UBR2: variants seen among roughly 807,000 people sequenced by gnomAD.
The protein encoded by UBR2 is ubiquitin protein ligase E3 component n-recognin 2.
UBR2 carries 92 observed loss-of-function variants against 247.9 expected under a neutral mutation model. That is an observed-to-expected ratio of 0.37 (90% CI 0.31 to 0.44). The LOEUF is 0.44. Ranked by LOEUF, UBR2 falls within the 20% of genes least tolerant of loss-of-function variation. The pLI, the probability that UBR2 is intolerant of heterozygous loss-of-function variation, is 1.00. For synonymous variants in UBR2, 672 were observed against 693.5 expected, an observed-to-expected ratio of 0.97 and a Z score of 0.49; for missense variants, 1,613 against 2,112.6, an observed-to-expected ratio of 0.76 and a Z score of 4.64.
Position 42,689,557 on chromosome 6 carries a change from ATCTC to A in UBR2, c.5025-8_5025-5del. The A allele has an allele frequency of 1.9e-6, 3 of 1,612,706 alleles. No homozygotes were observed. The highest frequency in any genetic ancestry group is 3.3e-4 in the Middle Eastern group (2 of 6,060). ...TGTGTAAATGTGTAACGTATGACTG[ATCTC>A]TCTACAGAGTACGGGAATGTCAGGT... On this transcript the variant is annotated splice_polypyrimidine_tract_variant and splice_region_variant and intron_variant, in intron 45 of 46. Coordinates refer to ENST00000372901, the MANE Select transcript of UBR2 (RefSeq NM_001363705.2). The surrounding 1 kb of genome is among the most constrained non-coding windows in gnomAD (Gnocchi z 4.0).
intron 31 of UBR2, among the ~76,000 whole-genome samples, chr6:42,662,920 G>A (rs1487670142): frequency 6.6e-6 from 1 of 151,578 alleles, no homozygotes; most frequent in Non-Finnish European, 1.5e-5. Context: ...GGGCGACAGA[G>A]CAAGACTCCA....
At chr6:42,683,240 C>T (rs750163634) in intron 43 of UBR2, 129 bp downstream of exon 43, 1 of 648,028 alleles carries the variant, frequency 1.5e-6, no homozygotes, top group Non-Finnish European at 2.5e-6. Flanking sequence ...GATATGTTGC[C>T]TTCATATTTT....
At position 42,586,538 on chromosome 6, in the gene UBR2, C is replaced by CTTTTT. The variant is rs147830824; in HGVS notation, c.339-5597_339-5593dup. On this transcript the variant is annotated intron_variant, in intron 2 of 46. Coordinates refer to ENST00000372901, the MANE Select transcript of UBR2 (RefSeq NM_001363705.2). ...TGCTATTTGTTTTCAGTTTGTCTCT[C>CTTTTT]TTTTTTTTTTTTTTTTTTTTGTTCC... 3.7e-3 allele frequency among the ~76,000 whole-genome samples: 363 copies of CTTTTT among 97,218 alleles called. 1 individual carries two copies. The highest frequency in any genetic ancestry group is 6.3e-3 in the Middle Eastern group (1 of 158). The allele number at this position is 97,218 out of a possible 152,430, so 63.8% of individuals were successfully genotyped here. A position where few individuals can be genotyped will look rare whatever the true frequency, so the allele number is the denominator to read the frequency against.
Position 42,594,220 on chromosome 6 carries a change from T to C in UBR2, c.447T>C (p.Cys149=), listed in dbSNP as rs779844410. ...CAACATCAGGAGGTGGAGGTTTCTG[T>C]GACTGTGGTGATACTGAAGCCTGGA... ...RMTTSGGGGF[C]DCGDTEAWKE... Residue 149 remains cysteine (C), a synonymous_variant, in exon 4 of 47, where the codon TGT becomes TGC. Transcript: ENST00000372901. 6.2e-7 allele frequency: 1 copy of C among 1,613,112 alleles called. No individual in the cohort carries two copies. The highest frequency in any genetic ancestry group is 1.7e-5 in the Admixed American group (1 of 59,966).
chr6:42,645,383 T>C, intron 20 of UBR2, 83 bp from the exon 21 acceptor site: 1 of 1,281,968 alleles, frequency 7.8e-7, no homozygotes, highest in South Asian at 1.3e-5. Flanking sequence ...AAATATAACA[T>C]GCTGCATGAA....
intron 9 of UBR2, 39 bp downstream of exon 9, chr6:42,615,217 A>G (rs764953326): frequency 3.4e-6 from 5 of 1,461,320 alleles, no homozygotes; most frequent in East Asian, 2.4e-5. Context: ...AGAGGAACCT[A>G]TATAAGTAAT....
chr6:42,599,105 A>G (rs1419652367), intron 4 of UBR2, among the ~76,000 whole-genome samples: 1 of 152,152 alleles, frequency 6.6e-6, no homozygotes, highest in Non-Finnish European at 1.5e-5. Flanking sequence ...TTGGAATTAG[A>G]TTTAATTAAA....
chr6:42,591,543 T>C (rs969764673), intron 2 of UBR2, among the ~76,000 whole-genome samples: 1 of 152,188 alleles, frequency 6.6e-6, no homozygotes, highest in African/African-American at 2.4e-5. Flanking sequence ...GGATATCTTA[T>C]GGGCCATATG....
chr6:42,597,424 C>T (rs761639992), intron 4 of UBR2, among the ~76,000 whole-genome samples: 3 of 151,864 alleles, frequency 2.0e-5, no homozygotes, highest in Admixed American at 6.6e-5. Flanking sequence ...GGCAAATCCC[C>T]GTCTATACAA....
chr6:42,586,902 A>T (rs780939612), intron 2 of UBR2, among the ~76,000 whole-genome samples: 10 of 147,328 alleles, frequency 6.8e-5, no homozygotes, highest in African/African-American at 1.8e-4. Flanking sequence ...GCTCACTGCA[A>T]CCTCGCCTCC....
Position 42,648,180 on chromosome 6 carries a change from C to A in UBR2, c.2462+10C>A. The A allele has an allele frequency of 6.2e-7, 1 of 1,610,794 alleles. No individual in the cohort carries two copies. Among genetic ancestry groups the A allele is most frequent in the Non-Finnish European group, 8.5e-7 (1 of 1,177,126 alleles). ...CAGTTGCCCATTTCAAGTGAGTTTA[C>A]TTCCTATTATTTCACATTCTTTTTT... On this transcript the variant is annotated intron_variant, in intron 22 of 46. Transcript: ENST00000372901.
chr6:42,669,810 T>C (rs890957214), intron 34 of UBR2, among the ~76,000 whole-genome samples: 1 of 152,220 alleles, frequency 6.6e-6, no homozygotes, highest in African/African-American at 2.4e-5. Flanking sequence ...ACATTGCTGA[T>C]GTTCTCAGGA....
chr6:42,577,490 G>T (rs912325410), intron 2 of UBR2, among the ~76,000 whole-genome samples: 3 of 149,628 alleles, frequency 2.0e-5, no homozygotes, highest in African/African-American at 7.7e-5. Context: ...TAGGAAAAGA[G>T]TGGTCAAACT....
intron 7 of UBR2, among the ~76,000 whole-genome samples, chr6:42,608,840 G>T (rs745817240): frequency 6.6e-6 from 1 of 151,842 alleles, no homozygotes; most frequent in Non-Finnish European, 1.5e-5. Context: ...TAAGTTTGTT[G>T]TGGTGCCTTT....
intron 1 of UBR2, among the ~76,000 whole-genome samples, chr6:42,564,770 G>A (rs1371561886): frequency 1.3e-5 from 2 of 152,046 alleles, no homozygotes; most frequent in African/African-American, 2.4e-5. Flanking sequence ...TGGTATAATC[G>A]CCCTAGTTTA....
chr6:42,619,194 T>C (rs1794742531), intron 11 of UBR2, among the ~76,000 whole-genome samples: 1 of 151,698 alleles, frequency 6.6e-6, no homozygotes, highest in African/African-American at 2.4e-5. Flanking sequence ...TCGCTTATTC[T>C]TAGGCCTTTT....
intron 31 of UBR2, 149 bp from the exon 32 acceptor site, chr6:42,663,109 C>A: frequency 1.6e-6 from 1 of 616,634 alleles, no homozygotes; most frequent in East Asian, 3.5e-5. Context: ...TTTTTAAAAT[C>A]ACTCAAAAAT....
At chr6:42,614,831 G>A (rs1794436631) in intron 8 of UBR2, among the ~76,000 whole-genome samples, 1 of 152,104 alleles carries the variant, frequency 6.6e-6, no homozygotes, top group Non-Finnish European at 1.5e-5. Context: ...AGAGGTTATT[G>A]CCTTTATGAT....
chr6:42,635,568 G>A (rs750441169), intron 14 of UBR2, 22 bp downstream of exon 14: 2 of 1,590,510 alleles, frequency 1.3e-6, no homozygotes, highest in Middle Eastern at 1.7e-4. Flanking sequence ...CTGGGTGCGG[G>A]GAATAGGAGG....
Sources: allele counts gnomAD v4.1 joint callset (sites outside exome capture counted in the v4.1 genomes callset), GRCh38; gene constraint gnomAD v4.1.1; non-coding constraint Gnocchi (gnomAD v3.1); transcripts MANE v1.5; gene names NCBI Gene and HGNC (gene_info 2026-07-23, HGNC 2026-07-21).